The following ZNF385D variants were observed in gnomAD, a reference collection of about 807,000 sequenced individuals.
ZNF385D encodes zinc finger protein 385D, also known as zinc finger protein 659.
A neutral mutation model predicts 35.8 loss-of-function variants in ZNF385D; 15 were observed. That is an observed-to-expected ratio of 0.42 (90% CI 0.28 to 0.64). The LOEUF is 0.64. ZNF385D is among the 30% of genes least tolerant of loss of function. The pLI is 0.23. For synonymous variants in ZNF385D, 212 were observed against 186.8 expected (o/e 1.13, Z -1.10); for missense variants, 474 against 494.6 (o/e 0.96, Z 0.39).
At chr3:21,983,388 C>G (rs1198555768) in intron 3 of ZNF385D, among the ~76,000 whole-genome samples, 2 of 108,670 alleles carry the variant, frequency 1.8e-5, no homozygotes, top group South Asian at 7.4e-4. Flanking sequence ...TTGTTCAATT[C>G]CCACCTATGA....
intron 3 of ZNF385D, among the ~76,000 whole-genome samples, chr3:21,971,619 A>G (rs1021680213): frequency 2.6e-5 from 4 of 151,850 alleles, no homozygotes; most frequent in African/African-American, 9.7e-5. Context: ...CTCATCAATA[A>G]TAGCATTTAA....
rs6808318 is a variant in ZNF385D at position 22,157,465 on chromosome 3, A to G, written c.325+11352T>C. The stretch of plus-strand genomic sequence containing the variant: ...TTCTTTCTTTTTGTTGTTTTTTTTA[A>G]TAACACCCCCAGATGTAGCTATTCT... On this transcript the variant is annotated intron_variant, in intron 3 of 5. Coordinates refer to the ZNF385D transcript ENST00000494108. Among the ~76,000 whole-genome samples the G allele has an allele frequency of 5.1e-3, 782 of 152,032 alleles. 7 individuals are homozygous for G. The highest frequency in any genetic ancestry group is 0.018 in the African/African-American group (745 of 41,484).
At chr3:22,281,000 T>C (rs781192812) in intron 2 of ZNF385D, among the ~76,000 whole-genome samples, 7 of 152,082 alleles carry the variant, frequency 4.6e-5, no homozygotes, top group Non-Finnish European at 8.8e-5. Flanking sequence ...TTCCAGTTAT[T>C]GTAAAAGGGT....
chr3:21,530,626 T>TA (rs2061899231), intron 3 of ZNF385D, among the ~76,000 whole-genome samples: 1 of 152,266 alleles, frequency 6.6e-6, no homozygotes, highest in African/African-American at 2.4e-5. Context: ...TTACAAGAGT[T>TA]ATGTTAAAAG....
chr3:21,829,374 G>A (rs547886770), intron 3 of ZNF385D, among the ~76,000 whole-genome samples: 102 of 152,232 alleles, frequency 6.7e-4, no homozygotes, highest in African/African-American at 2.4e-3. Context: ...ATCAGCAAGT[G>A]CAAAGGCCCA....
chr3:21,576,597 A>C (rs1352771575), intron 2 of ZNF385D, among the ~76,000 whole-genome samples: 1 of 152,210 alleles, frequency 6.6e-6, no homozygotes, highest in African/African-American at 2.4e-5. Flanking sequence ...CCCTGGGCAC[A>C]ATTTTAGAAC....
At chr3:22,343,252 A>G (rs1301089049) in intron 2 of ZNF385D, among the ~76,000 whole-genome samples, 4 of 152,220 alleles carry the variant, frequency 2.6e-5, no homozygotes, top group Non-Finnish European at 4.4e-5. Flanking sequence ...GTGTCTTTGA[A>G]ATCACTCACT....
chr3:22,348,052 A>G (rs1208010041), intron 2 of ZNF385D, among the ~76,000 whole-genome samples: 1 of 152,174 alleles, frequency 6.6e-6, no homozygotes, highest in Non-Finnish European at 1.5e-5. Flanking sequence ...ACTAAGGTCT[A>G]CGCTTAGAAT....
chr3:22,331,702 A>G (rs1203529319), intron 2 of ZNF385D, among the ~76,000 whole-genome samples: 2 of 152,142 alleles, frequency 1.3e-5, no homozygotes, highest in African/African-American at 4.8e-5. Context: ...GCTATAGACT[A>G]CCAAAATATA....
chr3:21,954,957 C>A (rs972180907), intron 3 of ZNF385D, among the ~76,000 whole-genome samples: 3 of 152,094 alleles, frequency 2.0e-5, no homozygotes, highest in Non-Finnish European at 2.9e-5. Context: ...GGCTGTCTAG[C>A]CTTCGAAACA....
chr3:22,111,698 T>TA (rs1384370820), intron 3 of ZNF385D, among the ~76,000 whole-genome samples: 1 of 152,176 alleles, frequency 6.6e-6, no homozygotes, highest in Non-Finnish European at 1.5e-5. Flanking sequence ...GCTTAAATCA[T>TA]AAAAAAGTAG....
chr3:21,978,491 G>C (rs1204144557), intron 3 of ZNF385D, among the ~76,000 whole-genome samples: 1 of 152,192 alleles, frequency 6.6e-6, no homozygotes, highest in African/African-American at 2.4e-5. Context: ...ATTAGGATGT[G>C]GGTGTTCTGG....
chr3:21,812,978 G>A (rs190348266), intron 3 of ZNF385D, among the ~76,000 whole-genome samples: 2 of 152,268 alleles, frequency 1.3e-5, no homozygotes, highest in East Asian at 3.9e-4. Context: ...ACAGCTGGGT[G>A]CGCCTCTGAG....
chr3:21,749,778 A>G (rs1465153647), intron 1 of ZNF385D, among the ~76,000 whole-genome samples: 1 of 152,174 alleles, frequency 6.6e-6, no homozygotes, highest in African/African-American at 2.4e-5. Context: ...CCTTCCACAC[A>G]CTCTCAAGTG....
Position 22,085,597 on chromosome 3 carries a change from C to CA in ZNF385D, c.325+83219dup, listed in dbSNP as rs534247297. Among the ~76,000 whole-genome samples the CA allele has an allele frequency of 4.7e-3, 722 of 152,106 alleles. 11 individuals are homozygous for CA. The highest frequency in any genetic ancestry group is 0.016 in the African/African-American group (657 of 41,496). On this transcript the variant is annotated intron_variant, in intron 3 of 5. Transcript: ENST00000494108. ...AGGCAATAATTAACAGCCTACCAAC[C>CA]AAAAAAAGTCCAGGACCAGACGGAT...
At chr3:22,233,794 T>C (rs975450493) in intron 2 of ZNF385D, among the ~76,000 whole-genome samples, 9 of 152,100 alleles carry the variant, frequency 5.9e-5, no homozygotes, top group African/African-American at 1.9e-4. Flanking sequence ...ATTCCTTCTG[T>C]ATCTCCTCTC....
chr3:22,068,423 C>T (rs1340294022), intron 3 of ZNF385D, among the ~76,000 whole-genome samples: 1 of 152,194 alleles, frequency 6.6e-6, no homozygotes, highest in Non-Finnish European at 1.5e-5. Context: ...AGTAAACAGA[C>T]ATCTGAATGT....
chr3:22,086,841 C>T (rs570801877), intron 3 of ZNF385D, among the ~76,000 whole-genome samples: 31 of 152,036 alleles, frequency 2.0e-4, no homozygotes, highest in Non-Finnish European at 3.8e-4. Context: ...GGACAGAAAA[C>T]CAAACACTGC....
rs76268972 is a variant in ZNF385D, at chr3:22,248,406, G to A, written c.107-79371C>T. ...CAATGTGAAGCACTGAGGATATAGA[G>A]AAGAAAGTAGATATTATATATTCAC... On this transcript the variant is annotated intron_variant, in intron 2 of 5. Transcript: ENST00000494108. Among the ~76,000 whole-genome samples, 734 of 152,220 alleles carry A rather than the reference G, an allele frequency of 4.8e-3. 3 individuals carry two copies. Among genetic ancestry groups the A allele is most frequent in the African/African-American group, 0.017 (698 of 41,538 alleles).
Sources: gnomAD v4.1 joint callset for allele counts (sites outside exome capture counted in the v4.1 genomes callset) on GRCh38, gnomAD v4.1.1 for gene constraint, MANE v1.5 for transcripts, NCBI Gene and HGNC (gene_info 2026-07-23, HGNC 2026-07-21) for gene names.